Variants in ADAMTS2 observed in about 807,000 individuals in gnomAD.
ADAMTS2 encodes the protein ADAM metallopeptidase with thrombospondin type 1 motif 2.
Under a neutral mutation model 123.0 loss-of-function variants are expected in ADAMTS2, and 50 were observed. That is an observed-to-expected ratio of 0.41 (90% CI 0.32 to 0.51). The LOEUF is 0.51. Among genes scored for constraint, ADAMTS2 ranks in the 20% least tolerant of loss-of-function variants. ADAMTS2 has a pLI of 0.35. For synonymous variants in ADAMTS2, 678 were observed against 695.4 expected (o/e 0.98, Z 0.39); for missense variants, 1,494 against 1,705.2 (o/e 0.88, Z 2.18).
intron 3 of ADAMTS2, among the ~76,000 whole-genome samples, chr5:179,231,790 C>G (rs1561608628): frequency 6.6e-6 from 1 of 151,894 alleles, no homozygotes. Flanking sequence ...TGGCTCACCC[C>G]TGCAGTCTCA....
intron 4 of ADAMTS2, among the ~76,000 whole-genome samples, chr5:179,200,732 T>A (rs1764544368): frequency 6.6e-6 from 1 of 152,134 alleles, no homozygotes; most frequent in African/African-American, 2.4e-5. Flanking sequence ...GGGAGAAGCT[T>A]TTCCCCTGGG....
intron 3 of ADAMTS2, among the ~76,000 whole-genome samples, chr5:179,265,565 C>A (rs982149387): frequency 6.6e-6 from 1 of 152,198 alleles, no homozygotes; most frequent in African/African-American, 2.4e-5. Flanking sequence ...CACAGGGCAG[C>A]GCTCTGAGCA....
chr5:179,235,028 C>A (rs1765492192), intron 3 of ADAMTS2, among the ~76,000 whole-genome samples: 1 of 152,234 alleles, frequency 6.6e-6, no homozygotes, highest in East Asian at 1.9e-4. Context: ...ACTGCTCACT[C>A]TGCCCAGAAT....
At position 179,234,879 on chromosome 5, in the gene ADAMTS2, C is replaced by G. The variant is rs117668824; in HGVS notation, c.689-27164G>C. ...CCATTAAAATCCTCTGTACCTCCCTCTTCCCAAGCCTAGCAGACCCGTGCG... is the reference window on the plus strand; with the variant it reads ...CCATTAAAATCCTCTGTACCTCCCTGTTCCCAAGCCTAGCAGACCCGTGCG... On this transcript the variant is annotated intron_variant, in intron 3 of 21. Coordinates refer to ENST00000251582, the MANE Select transcript of ADAMTS2 (RefSeq NM_014244.5). This position sits in a 1 kb window ranked among gnomAD's most constrained non-coding sequence, Gnocchi z 4.7. Among the ~76,000 whole-genome samples, 13 of 152,328 alleles carry G rather than the reference C, an allele frequency of 8.5e-5. No individual in the cohort carries two copies. The East Asian group carries it at 2.3e-3, about 27-fold the overall frequency.
At chr5:179,311,204 A>G (rs1756824907) in intron 2 of ADAMTS2, among the ~76,000 whole-genome samples, 2 of 152,148 alleles carry the variant, frequency 1.3e-5, no homozygotes, top group African/African-American at 4.8e-5. Context: ...CCACGTCCCC[A>G]TCCCTCTCCC....
rs776193244 is a variant in ADAMTS2 at position 179,267,347 on chromosome 5, C to T, written c.688+5564G>A. ...TCCTGGAGGGCCTTCCTTGGTGCAG[C>T]GAGGCTGAGAGGCTCCCGTGGTGGC... On this transcript the variant is annotated intron_variant, in intron 3 of 21. Coordinates refer to ENST00000251582, the MANE Select transcript of ADAMTS2 (RefSeq NM_014244.5). Among the ~76,000 whole-genome samples the T allele has an allele frequency of 2.6e-5, 4 of 152,326 alleles. No individual in the cohort carries two copies. The East Asian group carries it at 5.8e-4, about 22-fold the overall frequency.
At position 179,345,195 on chromosome 5, in the gene ADAMTS2, G is replaced by T. The variant is rs1250691659; in HGVS notation, c.134C>A (p.Pro45His). ...ANARLAAAADPPGGPLGHGAE... is the reference protein window; with the variant it reads ...ANARLAAAADHPGGPLGHGAE... ...AGGGGCCGGGCCGCACCTACCTGGGGGGTCGGCGGCGGCGGCGAGCCTGGC... is the reference window on the plus strand; with the variant it reads ...AGGGGCCGGGCCGCACCTACCTGGGTGGTCGGCGGCGGCGGCGAGCCTGGC... Residue 45 changes from proline to histidine, a missense_variant, in exon 1 of 22, where the codon CCC becomes CAC. By Grantham distance (77) the Pro-to-His change is moderately conservative (BLOSUM62 -2). This residue lies in a region of ADAMTS2 where 237 missense variants were observed against 233.7 expected (regional missense o/e 1.01). Coordinates refer to ENST00000251582, the MANE Select transcript of ADAMTS2 (RefSeq NM_014244.5). This position sits in a 1 kb window ranked among gnomAD's most constrained non-coding sequence, Gnocchi z 7.5. 6.3e-6 allele frequency: 7 copies of T among 1,112,110 alleles called. No homozygotes were observed. The highest frequency in any genetic ancestry group is 7.6e-6 in the Non-Finnish European group (7 of 916,510). 68.9% of individuals were successfully genotyped at this position (1,112,110 alleles called of 1,614,324 possible).
At chr5:179,133,349 C>G (rs781621298) in intron 13 of ADAMTS2, among the ~76,000 whole-genome samples, 9 of 152,126 alleles carry the variant, frequency 5.9e-5, no homozygotes, top group Non-Finnish European at 1.0e-4. Flanking sequence ...CTCACTGCAA[C>G]CTCTGCCTCC....
intron 3 of ADAMTS2, among the ~76,000 whole-genome samples, chr5:179,265,114 G>A (rs1013320632): frequency 6.6e-6 from 1 of 151,840 alleles, no homozygotes; most frequent in Non-Finnish European, 1.5e-5. Context: ...ATCTGTGGGA[G>A]CAGCCCTAAT....
At chr5:179,239,451 G>A (rs1442380923) in intron 3 of ADAMTS2, among the ~76,000 whole-genome samples, 1 of 152,124 alleles carries the variant, frequency 6.6e-6, no homozygotes, top group African/African-American at 2.4e-5. Flanking sequence ...TTCAGTGAGG[G>A]GCGTGCTGAG....
At position 179,317,381 on chromosome 5, in the gene ADAMTS2, C is replaced by T. The variant is rs990065698; in HGVS notation, c.534+26386G>A. ...CCTGCTCGGACGCTGCCCTTCTGAC[C>T]CCGATTCCTGTCACCAACACAACAG... On this transcript the variant is annotated intron_variant, in intron 2 of 21. Transcript: ENST00000251582. This position sits in a 1 kb window ranked among gnomAD's most constrained non-coding sequence, Gnocchi z 4.9. Among the ~76,000 whole-genome samples, 2 of 152,170 alleles carry T rather than the reference C, an allele frequency of 1.3e-5. No individual in the cohort carries two copies. The highest frequency in any genetic ancestry group is 4.8e-5 in the African/African-American group (2 of 41,434).
intron 10 of ADAMTS2, among the ~76,000 whole-genome samples, chr5:179,147,301 C>T (rs573739028): frequency 1.9e-3 from 283 of 152,284 alleles, no homozygotes; most frequent in African/African-American, 6.5e-3. Flanking sequence ...GTTGGCCAGG[C>T]TGGTCTCGAA....
intron 2 of ADAMTS2, among the ~76,000 whole-genome samples, chr5:179,326,574 C>A (rs539932698): frequency 4.0e-5 from 6 of 150,110 alleles, no homozygotes; most frequent in East Asian, 2.0e-4. Context: ...TGTGTCCAAG[C>A]GCTTTCACAC....
intron 3 of ADAMTS2, among the ~76,000 whole-genome samples, chr5:179,217,716 G>A (rs530787282): frequency 6.7e-6 from 1 of 149,242 alleles, no homozygotes; most frequent in East Asian, 1.9e-4. Flanking sequence ...GACTCTGCTG[G>A]CTGAATGCAA....
intron 2 of ADAMTS2, among the ~76,000 whole-genome samples, chr5:179,273,768 C>T (rs193280950): frequency 6.6e-6 from 1 of 152,190 alleles, no homozygotes; most frequent in African/African-American, 2.4e-5. Context: ...GAACTGCTGC[C>T]CCTGACCCCC....
rs990038238 is a variant in ADAMTS2, at chr5:179,197,377, A to G, written c.891+10136T>C. Among the ~76,000 whole-genome samples the G allele has an allele frequency of 9.2e-5, 14 of 152,234 alleles. No individual in the cohort carries two copies. The highest frequency in any genetic ancestry group is 6.5e-5 in the Admixed American group (1 of 15,294). ...TGCTTGAAGCCACAAAGGAAGCTTC[A>G]GCCTTGGGCCCAAGCTTTATATTTC... On this transcript the variant is annotated intron_variant, in intron 4 of 21. Coordinates refer to ENST00000251582, the MANE Select transcript of ADAMTS2 (RefSeq NM_014244.5). The surrounding 1 kb of genome is among the most constrained non-coding windows in gnomAD (Gnocchi z 4.2).
intron 4 of ADAMTS2, 38 bp downstream of exon 4, chr5:179,207,475 T>TACCCCCCCCCCCCCCCCCCCC: frequency 1.7e-6 from 1 of 588,618 alleles, no homozygotes; most frequent in South Asian, 1.5e-5. Flanking sequence ...TGGTTGACCC[T>TACCCCCCCCCCCCCCCCCCCC]CCCCGCCCCA....
intron 2 of ADAMTS2, among the ~76,000 whole-genome samples, chr5:179,321,935 T>C (rs1276899731): frequency 1.3e-5 from 2 of 152,286 alleles, no homozygotes; most frequent in Admixed American, 6.5e-5. Flanking sequence ...GCTGCCTCTA[T>C]TGAAAGATGT....
chr5:179,223,652 TCA>T (rs1438742559), intron 3 of ADAMTS2, among the ~76,000 whole-genome samples: 9 of 141,578 alleles, frequency 6.4e-5, no homozygotes, highest in East Asian at 2.1e-4. Flanking sequence ...ACACATACAC[TCA>T]CAGACGCACA....
Sources: gnomAD v4.1 joint callset for allele counts (sites outside exome capture counted in the v4.1 genomes callset) on GRCh38, gnomAD v4.1.1 for gene constraint, gnomAD v4.1.1 regional missense constraint, Gnocchi (gnomAD v3.1) non-coding constraint, MANE v1.5 for transcripts, NCBI Gene and HGNC (gene_info 2026-07-23, HGNC 2026-07-21) for gene names.